The following BANK1 variants were observed in gnomAD, a reference collection of about 807,000 sequenced individuals.
BANK1 encodes the protein B cell scaffold protein with ankyrin repeats 1, also known as B-cell scaffold protein with ankyrin repeats.
Under a neutral mutation model 94.5 loss-of-function variants are expected in BANK1, and 95 were observed. The observed-to-expected ratio is 1.00, with a 90% CI of 0.85 to 1.19. BANK1 has a LOEUF of 1.19. Among genes scored for constraint, BANK1 ranks in the 50% most tolerant of loss-of-function variants. BANK1 has a pLI of 0.00. For synonymous variants in BANK1, 334 were observed against 308.4 expected, an observed-to-expected ratio of 1.08 and a Z score of -0.87; for missense variants, 987 against 932.2, an observed-to-expected ratio of 1.06 and a Z score of -0.77.
At chr4:101,975,870 A>T (rs1725108521) in intron 7 of BANK1, among the ~76,000 whole-genome samples, 1 of 152,146 alleles carries the variant, frequency 6.6e-6, no homozygotes, top group Admixed American at 6.6e-5. Context: ...GGAACCAGTG[A>T]CTGATTATAA....
chr4:102,056,801 T>C (rs555085885), intron 11 of BANK1, among the ~76,000 whole-genome samples: 4 of 151,794 alleles, frequency 2.6e-5, no homozygotes, highest in African/African-American at 9.7e-5. Context: ...AGGCCAGGAG[T>C]TCGAGACCAG....
At position 102,007,097 on chromosome 4, in the gene BANK1, A is replaced by ATAAT. The variant is rs1363594136; in HGVS notation, c.1207-14416_1207-14415insAATT. Among the ~76,000 whole-genome samples the ATAAT allele has an allele frequency of 2.6e-3, 198 of 77,008 alleles. 4 individuals are homozygous for ATAAT. The highest frequency in any genetic ancestry group is 8.0e-3 in the African/African-American group (187 of 23,490). The allele number at this position is 77,008 out of a possible 152,430, so 50.5% of individuals were successfully genotyped here. ...ATATATATAAATATATATATAATATATTTATATATATATAAATATATATTT... is the reference window on the plus strand; with the variant it reads ...ATATATATAAATATATATATAATATATAATTTTATATATATATAAATATATATTT... On this transcript the variant is annotated intron_variant, in intron 7 of 16. Coordinates refer to ENST00000322953, the MANE Select transcript of BANK1 (RefSeq NM_017935.5).
At chr4:102,006,492 T>C (rs1726265314) in intron 7 of BANK1, among the ~76,000 whole-genome samples, 1 of 152,038 alleles carries the variant, frequency 6.6e-6, no homozygotes. Flanking sequence ...CTTAAAATTG[T>C]CTTTGGTATC....
At chr4:102,036,034 G>C (rs1727503444) in intron 10 of BANK1, among the ~76,000 whole-genome samples, 2 of 152,184 alleles carry the variant, frequency 1.3e-5, no homozygotes, top group Admixed American at 1.3e-4. Flanking sequence ...AATGCCTATT[G>C]GGTAAAATTT....
At chr4:101,923,380 C>T (rs1351485289) in intron 7 of BANK1, among the ~76,000 whole-genome samples, 1 of 151,136 alleles carries the variant, frequency 6.6e-6, no homozygotes, top group African/African-American at 2.4e-5. Flanking sequence ...TGTGTGTGTG[C>T]TTTGCATTTA....
chr4:101,890,648 A>T (rs1418731500), intron 5 of BANK1, among the ~76,000 whole-genome samples: 2 of 149,232 alleles, frequency 1.3e-5, no homozygotes, highest in African/African-American at 2.4e-5. Context: ...TTATAAAGAG[A>T]ACATATAGTT....
Position 101,827,161 on chromosome 4 carries a change from A to G in BANK1, c.71-2647A>G, listed in dbSNP as rs143138602. ...AGAGTGAAGAAAAAGAAAGCCATATATCTCTCAAAGTCCTCTCTCTCACAT... is the reference window on the plus strand; with the variant it reads ...AGAGTGAAGAAAAAGAAAGCCATATGTCTCTCAAAGTCCTCTCTCTCACAT... On this transcript the variant is annotated intron_variant, in intron 1 of 16. Coordinates refer to ENST00000322953, the MANE Select transcript of BANK1 (RefSeq NM_017935.5). Among the ~76,000 whole-genome samples, 700 of 151,998 alleles carry G rather than the reference A, an allele frequency of 4.6e-3. 5 individuals are homozygous for G. The highest frequency in any genetic ancestry group is 0.016 in the African/African-American group (658 of 41,558).
chr4:101,820,589 C>T (rs892872453), intron 1 of BANK1, among the ~76,000 whole-genome samples: 1 of 152,076 alleles, frequency 6.6e-6, no homozygotes, highest in African/African-American at 2.4e-5. Flanking sequence ...AAGGCCAGTA[C>T]CCAATAGTTA....
intron 7 of BANK1, among the ~76,000 whole-genome samples, chr4:101,949,169 A>G (rs913706639): frequency 2.6e-5 from 4 of 152,054 alleles, no homozygotes; most frequent in African/African-American, 9.7e-5. Context: ...TGCTCTATGC[A>G]ATCTCTCATA....
chr4:101,862,651 C>A lies in BANK1; in HGVS notation c.750C>A (p.Cys250Ter). Residue 250 changes from cysteine (C) to a stop codon, truncating the protein, a stop_gained, in exon 4 of 17, where the codon TGC becomes TGA. Coordinates refer to ENST00000322953, the MANE Select transcript of BANK1 (RefSeq NM_017935.5). LOFTEE classifies it high-confidence loss of function. ...CCCTTTGGAATAAGAAAGTCTGGTG[C>A]ATGAAAGCTTTAGGTAAGAATGTTT... is the stretch of plus-strand genomic sequence containing the variant. Reference protein sequence around the residue: ...RPALWNKKVWCMKALEFPAGS... With the variant: ...RPALWNKKVW The A allele has an allele frequency of 6.2e-7, 1 of 1,602,522 alleles. No homozygotes were observed. Among genetic ancestry groups the A allele is most frequent in the Non-Finnish European group, 8.5e-7 (1 of 1,175,594 alleles).
At chr4:101,948,374 G>A (rs1724010840) in intron 7 of BANK1, among the ~76,000 whole-genome samples, 1 of 152,044 alleles carries the variant, frequency 6.6e-6, no homozygotes, top group Non-Finnish European at 1.5e-5. Flanking sequence ...TCCTTTCTCA[G>A]GAGGTTAAAT....
At chr4:101,845,396 T>A (rs1298138294) in intron 2 of BANK1, among the ~76,000 whole-genome samples, 1 of 152,180 alleles carries the variant, frequency 6.6e-6, no homozygotes, top group African/African-American at 2.4e-5. Context: ...ATTAATATGT[T>A]GATTAATATT....
intron 7 of BANK1, among the ~76,000 whole-genome samples, chr4:102,000,434 C>T (rs1726024273): frequency 6.6e-6 from 1 of 150,824 alleles, no homozygotes; most frequent in Non-Finnish European, 1.5e-5. Context: ...CAAGCCAAGA[C>T]ATATGACTAC....
intron 6 of BANK1, among the ~76,000 whole-genome samples, chr4:101,903,182 G>T (rs549278773): frequency 7.6e-4 from 115 of 152,218 alleles, no homozygotes; most frequent in Non-Finnish European, 1.1e-3. Context: ...ACCTTCAATT[G>T]GTTTGGATTT....
At chr4:101,795,060 C>T (rs1725109261) in intron 1 of BANK1, among the ~76,000 whole-genome samples, 1 of 37,772 alleles carries the variant, frequency 2.6e-5, no homozygotes. Context: ...CTATATGCCT[C>T]ATTTTTTTTT....
chr4:101,909,003 T>G (rs1380589870), intron 6 of BANK1, among the ~76,000 whole-genome samples: 1 of 152,164 alleles, frequency 6.6e-6, no homozygotes, highest in Non-Finnish European at 1.5e-5. Context: ...GTGTGGTGAT[T>G]CCTCAAGGAT....
At chr4:101,917,262 G>T (rs1263787149) in intron 6 of BANK1, among the ~76,000 whole-genome samples, 3 of 151,904 alleles carry the variant, frequency 2.0e-5, no homozygotes, top group Non-Finnish European at 1.5e-5. Flanking sequence ...TCAGCTAAGT[G>T]CAAAAGTATA....
At chr4:101,996,771 C>T (rs1259149801) in intron 7 of BANK1, among the ~76,000 whole-genome samples, 1 of 152,156 alleles carries the variant, frequency 6.6e-6, no homozygotes, top group Non-Finnish European at 1.5e-5. Flanking sequence ...GATTTTTGCA[C>T]ATTGATTTTG....
chr4:102,005,974 A>G (rs1271327605), intron 7 of BANK1, among the ~76,000 whole-genome samples: 1 of 152,016 alleles, frequency 6.6e-6, no homozygotes, highest in Non-Finnish European at 1.5e-5. Flanking sequence ...GTTTTAATTG[A>G]GTATATAATA....
Sources: allele counts gnomAD v4.1 joint callset (sites outside exome capture counted in the v4.1 genomes callset), GRCh38; gene constraint gnomAD v4.1.1; transcripts MANE v1.5; gene names NCBI Gene and HGNC (gene_info 2026-07-23, HGNC 2026-07-21).